The following RAB8A variants were observed in gnomAD, a reference collection of about 807,000 sequenced individuals.
RAB8A encodes RAB8A, member RAS oncogene family.
A neutral mutation model predicts 29.2 loss-of-function variants in RAB8A; 5 were observed. That is an observed-to-expected ratio of 0.17 (90% CI 0.09 to 0.36). The LOEUF (loss-of-function observed/expected upper bound fraction) is 0.36. Among genes scored for constraint, RAB8A ranks in the 10% least tolerant of loss-of-function variants. The probability of loss-of-function intolerance (pLI) is 1.00; values close to 1 mark genes in which losing one functional copy is unlikely to be tolerated. For missense variants in RAB8A, 171 were observed against 272.2 expected, an observed-to-expected ratio of 0.63 and a Z score of 2.62; for synonymous variants, 108 against 99.9, an observed-to-expected ratio of 1.08 and a Z score of -0.49.
In RAB8A at chr19:16,125,612, C is replaced by T. The variant is rs1288245520; in HGVS notation, c.324+65C>T. 6.7e-7 allele frequency: 1 copy of T among 1,485,802 alleles called. No homozygotes were observed. Among genetic ancestry groups the T allele is most frequent in the Admixed American group, 1.8e-5 (1 of 55,700 alleles). The allele number at this position is 1,485,802 out of a possible 1,614,324, so 92.0% of individuals were successfully genotyped here. Reference sequence around the variant, plus strand: ...CCTTGTCCCAGAGCCCTCTGGTTTACTCATGAGAAGGCCAAGGTGCAGAGA... The same window carrying T: ...CCTTGTCCCAGAGCCCTCTGGTTTATTCATGAGAAGGCCAAGGTGCAGAGA... On this transcript the variant is annotated intron_variant, in intron 4 of 7. Coordinates refer to ENST00000300935, the MANE Select transcript of RAB8A (RefSeq NM_005370.5). The surrounding 1 kb of genome is among the most constrained non-coding windows in gnomAD (Gnocchi z 5.0).
chr19:16,128,077 A>G lies in RAB8A; in HGVS notation c.466A>G (p.Ile156Val). 6.2e-7 allele frequency: 1 copy of G among 1,614,106 alleles called. No individual in the cohort carries two copies. The highest frequency in any genetic ancestry group is 8.5e-7 in the Non-Finnish European group (1 of 1,179,974). ...KFMETSAKAN[I>V]NVENAFFTLA... ...CATGGAGACCAGCGCGAAGGCCAAC[A>G]TCAATGTGGAAAATGTGAGTCCCGG... Residue 156 changes from isoleucine to valine, a missense_variant, in exon 6 of 8, where the codon ATC becomes GTC. Transcript: ENST00000300935.
At chr19:16,126,308 C>T (rs754620492) in intron 4 of RAB8A, 9 of 154,416 alleles carry the variant, frequency 5.8e-5, no homozygotes, top group Non-Finnish European at 1.2e-4. Flanking sequence ...GAGGGCTGTG[C>T]TGCCAAATTT....
In RAB8A at chr19:16,111,921, A is replaced by G; in HGVS notation, c.20A>G (p.Tyr7Cys). MAKTYDYLFKLLLIGDS... is the reference protein window; with the variant it reads MAKTYDCLFKLLLIGDS... Reference sequence around the variant, plus strand: ...TGTAATATGGCGAAGACCTACGATTACCTGTTCAAGCTGCTGCTGATCGGG... The same window carrying G: ...TGTAATATGGCGAAGACCTACGATTGCCTGTTCAAGCTGCTGCTGATCGGG... Residue 7 changes from tyrosine to cysteine, a missense_variant, in exon 1 of 8, where the codon TAC becomes TGC. Around this residue, in one of 3 missense-constraint regions of RAB8A, gnomAD observed 26 missense variants for 42.9 expected, o/e 0.61. Coordinates refer to ENST00000300935, the MANE Select transcript of RAB8A (RefSeq NM_005370.5). 5 of 1,613,894 alleles carry G rather than the reference A, an allele frequency of 3.1e-6. No homozygotes were observed. The highest frequency in any genetic ancestry group is 4.2e-6 in the Non-Finnish European group (5 of 1,179,874).
At chr19:16,129,139 G>A (rs2090914601) in intron 6 of RAB8A, among the ~76,000 whole-genome samples, 1 of 145,264 alleles carries the variant, frequency 6.9e-6, no homozygotes, top group African/African-American at 2.5e-5. Context: ...AGGAGTCAGA[G>A]ACAAAGAACT....
Position 16,125,014 on chromosome 19 carries a change from T to TGAAAAAAG in RAB8A, c.247-455_247-454insAAAAAAGG. 4.4e-6 allele frequency: 1 copy of TGAAAAAAG among 225,600 alleles called. No homozygotes were observed. Among genetic ancestry groups the TGAAAAAAG allele is most frequent in the Non-Finnish European group, 9.2e-6 (1 of 108,920 alleles). 14.0% of individuals were successfully genotyped at this position (225,600 alleles called of 1,614,324 possible). A position where few individuals can be genotyped will look rare whatever the true frequency, so the allele number is the denominator to read the frequency against. ...CGGGTCAGGACTTCCTGGGCTCAGT[T>TGAAAAAAG]GTGCCTGGTAGGTGGCTCAGGCAGA... On this transcript the variant is annotated intron_variant, in intron 3 of 7. Coordinates refer to ENST00000300935, the MANE Select transcript of RAB8A (RefSeq NM_005370.5). This position sits in a 1 kb window ranked among gnomAD's most constrained non-coding sequence, Gnocchi z 5.0.
chr19:16,120,376 G>A (rs1057164631), intron 2 of RAB8A, among the ~76,000 whole-genome samples: 2 of 144,478 alleles, frequency 1.4e-5, no homozygotes, highest in Non-Finnish European at 1.5e-5. Context: ...GCAGTGGCAT[G>A]ATCTCAGCTC....
Position 16,132,420 on chromosome 19 carries a change from C to T in RAB8A, c.*116C>T. 1.1e-6 allele frequency: 1 copy of T among 918,786 alleles called. No individual in the cohort carries two copies. Among genetic ancestry groups the T allele is most frequent in the Non-Finnish European group, 1.7e-6 (1 of 602,398 alleles). 56.9% of individuals were successfully genotyped at this position (918,786 alleles called of 1,614,324 possible). A position where few individuals can be genotyped will look rare whatever the true frequency, so the allele number is the denominator to read the frequency against. On this transcript the variant is annotated 3_prime_UTR_variant, in exon 8 of 8. Coordinates refer to ENST00000300935, the MANE Select transcript of RAB8A (RefSeq NM_005370.5). This position sits in a 1 kb window ranked among gnomAD's most constrained non-coding sequence, Gnocchi z 5.6. ...CAACGCCCCGCCCACGCCGCGGCCACCGGGCCCACGGCCACCAGAATGCAA... is the reference window on the plus strand; with the variant it reads ...CAACGCCCCGCCCACGCCGCGGCCATCGGGCCCACGGCCACCAGAATGCAA...
intron 6 of RAB8A, among the ~76,000 whole-genome samples, chr19:16,128,998 T>C (rs143345327): frequency 4.9e-4 from 75 of 152,330 alleles, no homozygotes; most frequent in African/African-American, 1.7e-3. Context: ...AACCCTTGGC[T>C]GTGCTGGGAG....
At position 16,116,565 on chromosome 19, in the gene RAB8A, A is replaced by G. The variant is rs187212924; in HGVS notation, c.125-1661A>G. Among the ~76,000 whole-genome samples the G allele has an allele frequency of 2.1e-3, 314 of 152,280 alleles. 1 individual carries two copies. The highest frequency in any genetic ancestry group is 4.6e-3 in the South Asian group (22 of 4,824). On this transcript the variant is annotated intron_variant, in intron 1 of 7. Coordinates refer to ENST00000300935, the MANE Select transcript of RAB8A (RefSeq NM_005370.5). ...CAAGGCCAGGCACGCACGGTGGCAC[A>G]GTGGCTCACGCCTGTAATCCCAGTA...
rs567330915 is a variant in RAB8A at position 16,133,186 on chromosome 19, C to T, written c.*882C>T. 6.6e-6 allele frequency: 1 copy of T among 152,324 alleles called. No homozygotes were observed. Among genetic ancestry groups the T allele is most frequent in the South Asian group, 2.1e-4 (1 of 4,830 alleles). The allele number at this position is 152,324 out of a possible 1,614,324, so 9.4% of individuals were successfully genotyped here. On this transcript the variant is annotated 3_prime_UTR_variant, in exon 8 of 8. Transcript: ENST00000300935. ...TTTCTAGCTGAGATTTTTATTTTTC[C>T]ACATCTGTAGTGCCATGAAGCGATT...
chr19:16,129,465 G>A, intron 6 of RAB8A, 89 bp from the exon 7 acceptor site: 1 of 1,328,330 alleles, frequency 7.5e-7, no homozygotes, highest in Non-Finnish European at 1.1e-6. Context: ...CCACGCCTGG[G>A]AAGCTGTCTC....
intron 1 of RAB8A, chr19:16,112,401 G>A (rs1181999806): frequency 1.7e-5 from 4 of 230,544 alleles, no homozygotes; most frequent in Non-Finnish European, 1.7e-5. Context: ...AATTGGCCAT[G>A]GGAAAAAGAC....
chr19:16,118,977 C>T (rs57549741), intron 2 of RAB8A, among the ~76,000 whole-genome samples: 24,263 of 152,214 alleles, frequency 0.16, 2,074 homozygotes, highest in Non-Finnish European at 0.19. Context: ...GCCACTCGCA[C>T]AGAGTCACTG....
intron 1 of RAB8A, among the ~76,000 whole-genome samples, chr19:16,116,419 C>T (rs923545025): frequency 2.6e-5 from 4 of 152,162 alleles, no homozygotes; most frequent in Non-Finnish European, 5.9e-5. Flanking sequence ...AGATAGAATT[C>T]GCATACAGTT....
intron 2 of RAB8A, among the ~76,000 whole-genome samples, chr19:16,119,056 C>T (rs926865532): frequency 6.6e-6 from 1 of 152,186 alleles, no homozygotes; most frequent in Non-Finnish European, 1.5e-5. Flanking sequence ...CCAAACCAGG[C>T]AAGTGCCTTT....
intron 3 of RAB8A, among the ~76,000 whole-genome samples, chr19:16,123,128 G>A (rs565222128): frequency 1.1e-4 from 17 of 152,288 alleles, no homozygotes; most frequent in Middle Eastern, 3.4e-3. Flanking sequence ...GGTTTGGCCC[G>A]GTGGCCTGCC....
At chr19:16,123,242 C>T (rs1489097920) in intron 3 of RAB8A, among the ~76,000 whole-genome samples, 1 of 152,218 alleles carries the variant, frequency 6.6e-6, no homozygotes, top group African/African-American at 2.4e-5. Flanking sequence ...GCTTTCCATC[C>T]TCCTAGACCC....
At chr19:16,118,128 C>T in intron 1 of RAB8A, 98 bp from the exon 2 acceptor site, 1 of 1,019,608 alleles carries the variant, frequency 9.8e-7, no homozygotes, top group Non-Finnish European at 1.5e-6. Context: ...CTCCGTAAGC[C>T]ACAACAGCTG....
chr19:16,127,893 G>T lies in RAB8A; in HGVS notation c.415-133G>T. On this transcript the variant is annotated intron_variant, in intron 5 of 7. Transcript: ENST00000300935. The surrounding 1 kb of genome is among the most constrained non-coding windows in gnomAD (Gnocchi z 4.8). ...CTATAGAATTGAGGGAGTGATCCAG[G>T]AAGTCACGCCCACAGCCCCAGCCCT... The T allele has an allele frequency of 1.2e-6, 1 of 856,544 alleles. No homozygotes were observed. Among genetic ancestry groups the T allele is most frequent in the Admixed American group, 2.0e-5 (1 of 51,158 alleles). 53.1% of individuals were successfully genotyped at this position (856,544 alleles called of 1,614,324 possible). A position where few individuals can be genotyped will look rare whatever the true frequency, so the allele number is the denominator to read the frequency against.
Sources: allele counts gnomAD v4.1 joint callset (sites outside exome capture counted in the v4.1 genomes callset), GRCh38; gene constraint gnomAD v4.1.1; regional missense constraint gnomAD v4.1.1; non-coding constraint Gnocchi (gnomAD v3.1); transcripts MANE v1.5; gene names NCBI Gene and HGNC (gene_info 2026-07-23, HGNC 2026-07-21).